FBLN2: variants seen among roughly 807,000 people sequenced by gnomAD.
The protein encoded by FBLN2 is fibulin 2.
A neutral mutation model predicts 123.7 loss-of-function variants in FBLN2; 81 were observed. The observed-to-expected ratio is 0.65, with a 90% CI of 0.55 to 0.79. FBLN2 has a LOEUF of 0.79. FBLN2 is among the 30% of genes least tolerant of loss of function. The probability of loss-of-function intolerance (pLI) is 0.00; values close to 1 mark genes in which losing one functional copy is unlikely to be tolerated. For missense variants in FBLN2, 1,603 were observed against 1,681.3 expected, an observed-to-expected ratio of 0.95 and a Z score of 0.81; for synonymous variants, 699 against 701.4, an observed-to-expected ratio of 1.00 and a Z score of 0.05.
intron 2 of FBLN2, among the ~76,000 whole-genome samples, chr3:13,601,112 CTG>C (rs1174710237): frequency 2.0e-5 from 3 of 152,228 alleles, no homozygotes; most frequent in East Asian, 1.9e-4. Context: ...CTCTTAGTAA[CTG>C]TGAGGTTCCT....
At chr3:13,599,556 A>G (rs1482802036) in intron 2 of FBLN2, among the ~76,000 whole-genome samples, 1 of 150,468 alleles carries the variant, frequency 6.6e-6, no homozygotes, top group Non-Finnish European at 1.5e-5. Flanking sequence ...ATTTGTGGAC[A>G]GTCATTCTAT....
intron 2 of FBLN2, among the ~76,000 whole-genome samples, chr3:13,590,760 T>G (rs1453817539): frequency 6.6e-6 from 1 of 152,252 alleles, no homozygotes; most frequent in East Asian, 1.9e-4. Context: ...CAGTAGTTCA[T>G]TTTTAGAAAA....
At chr3:13,615,802 C>T (rs1705578875) in intron 5 of FBLN2, among the ~76,000 whole-genome samples, 1 of 152,236 alleles carries the variant, frequency 6.6e-6, no homozygotes, top group Non-Finnish European at 1.5e-5. Context: ...GACTGGACAC[C>T]TTGGCTCTAA....
intron 2 of FBLN2, among the ~76,000 whole-genome samples, chr3:13,593,713 C>CAAAAAAAAAA (rs59546141): frequency 1.2e-5 from 1 of 81,188 alleles, no homozygotes; most frequent in Non-Finnish European, 2.5e-5. Flanking sequence ...GACTCTATCT[C>CAAAAAAAAAA]AAAAAAAAAA....
chr3:13,597,619 A>G (rs1254082877), intron 2 of FBLN2, among the ~76,000 whole-genome samples: 1 of 152,190 alleles, frequency 6.6e-6, no homozygotes, highest in Non-Finnish European at 1.5e-5. Flanking sequence ...GTCACACTGC[A>G]GCCTATGGAC....
chr3:13,627,536 A>C (rs80089632), intron 10 of FBLN2, among the ~76,000 whole-genome samples: 1 of 152,100 alleles, frequency 6.6e-6, no homozygotes, highest in East Asian at 1.9e-4. Flanking sequence ...TCCTTGTAAG[A>C]TGGGGCTTGT....
At position 13,637,805 on chromosome 3, in the gene FBLN2, C is replaced by G. The variant is rs762685085; in HGVS notation, c.3582C>G (p.Ala1194=). 3 of 1,613,702 alleles carry G rather than the reference C, an allele frequency of 1.9e-6. No individual in the cohort carries two copies. The African/African-American group carries it at 4.0e-5, about 22-fold the overall frequency. Residue 1194 remains alanine, a synonymous_variant, in exon 18 of 18, where the codon GCC becomes GCG. Coordinates refer to ENST00000404922, the MANE Select transcript of FBLN2 (RefSeq NM_001004019.2). ...AYTGVVYLQR[A]VLEPRDFALD... The stretch of plus-strand genomic sequence containing the variant: ...CGGGTGTGGTCTACCTGCAGCGGGC[C>G]GTGCTGGAGCCCCGGGACTTTGCCC...
chr3:13,601,414 C>T (rs549165518), intron 2 of FBLN2, among the ~76,000 whole-genome samples: 4 of 152,298 alleles, frequency 2.6e-5, no homozygotes, highest in South Asian at 2.1e-4. Context: ...CAAGAGGGGA[C>T]GAGACATTGA....
chr3:13,624,989 C>T lies in FBLN2; in HGVS notation c.2297-1456C>T, dbSNP rs78795898. Among the ~76,000 whole-genome samples, 1,630 of 149,334 alleles carry T rather than the reference C, an allele frequency of 0.011. 114 individuals are homozygous for T. The East Asian group carries it at 0.19, about 18-fold the overall frequency. On this transcript the variant is annotated intron_variant, in intron 9 of 17. Coordinates refer to ENST00000404922, the MANE Select transcript of FBLN2 (RefSeq NM_001004019.2). ...GGTGGCTTCTGTGGCCACTGTGGCC[C>T]GGGGGTGGTTTCTGAGTTGGTGGCC... is the stretch of plus-strand genomic sequence containing the variant.
In FBLN2 at chr3:13,636,470, C is replaced by T. The variant is rs759956287; in HGVS notation, c.3240C>T (p.Thr1080=). 1 of 1,613,700 alleles carries T rather than the reference C, an allele frequency of 6.2e-7. No individual in the cohort carries two copies. The highest frequency in any genetic ancestry group is 1.1e-5 in the South Asian group (1 of 91,000). Residue 1080 remains threonine, a synonymous_variant, in exon 17 of 18, where the codon ACC becomes ACT. Coordinates refer to ENST00000404922, the MANE Select transcript of FBLN2 (RefSeq NM_001004019.2). ...CKDVDECALG[T]HNCSEAETCH... ...ACGTGGATGAGTGTGCACTGGGTAC[C>T]CACAACTGTTCCGAGGCTGAGACCT...
chr3:13,628,818 G>T, intron 11 of FBLN2, 87 bp from the exon 12 acceptor site: 1 of 1,493,198 alleles, frequency 6.7e-7, no homozygotes, highest in Non-Finnish European at 9.0e-7. Context: ...GCCCAGGACC[G>T]ACCCCCTCCC....
chr3:13,561,573 T>C (rs1290121532), intron 1 of FBLN2, among the ~76,000 whole-genome samples: 2 of 152,194 alleles, frequency 1.3e-5, no homozygotes, highest in Non-Finnish European at 2.9e-5. Context: ...TAGGATACCA[T>C]TCCCCAGATC....
rs1489460628 is a variant in FBLN2, at chr3:13,629,002, C to T, written c.2667C>T (p.Ile889=). Residue 889 remains isoleucine (I), a synonymous_variant, in exon 12 of 18, where the codon ATC becomes ATT. Transcript: ENST00000404922. ...ACACATGCCAGAGGAACCCGCTGAT[C>T]TGCGCGCGCGGCTACCACGCCAGCG... ...GSYTCQRNPL[I]CARGYHASDD... is the part of the protein sequence containing the mutation. The T allele has an allele frequency of 1.2e-6, 2 of 1,613,514 alleles. No homozygotes were observed. The highest frequency in any genetic ancestry group is 4.5e-5 in the East Asian group (2 of 44,870).
chr3:13,620,087 C>T (rs1026841942), intron 8 of FBLN2, among the ~76,000 whole-genome samples: 2 of 152,094 alleles, frequency 1.3e-5, no homozygotes, highest in Non-Finnish European at 2.9e-5. Context: ...CACATGGTGT[C>T]GCTCCGCATT....
rs1378094843 is a variant in FBLN2 at position 13,583,834 on chromosome 3, T to C, written c.1306+12173T>C. Among the ~76,000 whole-genome samples, 5 of 152,224 alleles carry C rather than the reference T, an allele frequency of 3.3e-5. No individual in the cohort carries two copies. The East Asian group carries it at 7.8e-4, about 24-fold the overall frequency. Reference sequence around the variant, plus strand: ...AGTAGGGAGAGAGGGAGTGAGAGGCTTTCTCTCCTGCTTCCAGCCCCGTCC... The same window carrying C: ...AGTAGGGAGAGAGGGAGTGAGAGGCCTTCTCTCCTGCTTCCAGCCCCGTCC... On this transcript the variant is annotated intron_variant, in intron 2 of 17. Coordinates refer to ENST00000404922, the MANE Select transcript of FBLN2 (RefSeq NM_001004019.2).
intron 2 of FBLN2, among the ~76,000 whole-genome samples, chr3:13,603,866 G>T (rs532888999): frequency 6.6e-6 from 1 of 152,154 alleles, no homozygotes; most frequent in Admixed American, 6.5e-5. Context: ...GTGTAAAAGC[G>T]TTCCTATTTC....
intron 8 of FBLN2, among the ~76,000 whole-genome samples, chr3:13,620,915 C>T (rs868315000): frequency 1.3e-5 from 2 of 152,228 alleles, no homozygotes; most frequent in Non-Finnish European, 2.9e-5. Flanking sequence ...GTGGCAGTGA[C>T]CGGCAGGCCT....
chr3:13,587,196 A>G (rs1704538715), intron 2 of FBLN2, among the ~76,000 whole-genome samples: 2 of 151,486 alleles, frequency 1.3e-5, no homozygotes, highest in Non-Finnish European at 2.9e-5. Context: ...AAAAACACAT[A>G]TAGAGTAAGG....
At chr3:13,586,953 T>A (rs1056979195) in intron 2 of FBLN2, among the ~76,000 whole-genome samples, 2 of 151,544 alleles carry the variant, frequency 1.3e-5, no homozygotes, top group Non-Finnish European at 2.9e-5. Context: ...GAGACCAGCT[T>A]GGCCCACATG....
Sources: gnomAD v4.1 joint callset for allele counts (sites outside exome capture counted in the v4.1 genomes callset) on GRCh38, gnomAD v4.1.1 for gene constraint, MANE v1.5 for transcripts, NCBI Gene and HGNC (gene_info 2026-07-23, HGNC 2026-07-21) for gene names.